Variants in CABIN1 observed in about 807,000 individuals in gnomAD.
CABIN1 encodes calcineurin-binding protein cabin-1.
A neutral mutation model predicts 227.7 loss-of-function variants in CABIN1; 133 were observed. That is an observed-to-expected ratio of 0.58 (90% CI 0.51 to 0.67). The LOEUF (loss-of-function observed/expected upper bound fraction) is 0.67. Ranked by LOEUF, CABIN1 falls within the 30% of genes least tolerant of loss-of-function variation. The pLI is 0.00. For missense variants in CABIN1, 2,408 were observed against 2,852.5 expected, an observed-to-expected ratio of 0.84 and a Z score of 3.55; for synonymous variants, 1,086 against 1,155.1, an observed-to-expected ratio of 0.94 and a Z score of 1.21.
At chr22:24,121,791 C>G (rs1237775042) in intron 28 of CABIN1, among the ~76,000 whole-genome samples, 2 of 152,248 alleles carry the variant, frequency 1.3e-5, no homozygotes. Context: ...CCTCCCCCAC[C>G]TCTGGTGTCC....
chr22:24,105,577 A>G (rs1160723359), intron 26 of CABIN1, among the ~76,000 whole-genome samples: 1 of 152,152 alleles, frequency 6.6e-6, no homozygotes, highest in Non-Finnish European at 1.5e-5. Flanking sequence ...CTGAGTCTCA[A>G]GGCTAGATAC....
intron 34 of CABIN1, among the ~76,000 whole-genome samples, chr22:24,174,178 A>G (rs749287260): frequency 1.3e-5 from 2 of 151,172 alleles, no homozygotes; most frequent in Non-Finnish European, 1.5e-5. Context: ...CCCAGGCTGG[A>G]GTGCAGCAGT....
chr22:24,045,891 A>C (rs1555913673), intron 6 of CABIN1, among the ~76,000 whole-genome samples: 1 of 152,212 alleles, frequency 6.6e-6, no homozygotes, highest in Non-Finnish European at 1.5e-5. Context: ...CCACTTTTTA[A>C]ATCTTTTTAA....
chr22:24,094,823 CA>C (rs201624847), intron 24 of CABIN1, among the ~76,000 whole-genome samples: 30,249 of 78,162 alleles, frequency 0.39, 3,858 homozygotes, highest in African/African-American at 0.54. Context: ...GACTCCGTCT[CA>C]AAAAAAAAAA....
intron 4 of CABIN1, among the ~76,000 whole-genome samples, chr22:24,039,645 T>G (rs1159659193): frequency 2.6e-5 from 4 of 152,216 alleles, no homozygotes; most frequent in African/African-American, 9.6e-5. Flanking sequence ...CATCCAACAG[T>G]TGCTAGGCAG....
At chr22:24,117,591 T>C (rs1361578611) in intron 27 of CABIN1, among the ~76,000 whole-genome samples, 3 of 152,046 alleles carry the variant, frequency 2.0e-5, no homozygotes, top group Non-Finnish European at 4.4e-5. Context: ...GAAAAGAGAA[T>C]AGCTGTCTCT....
intron 28 of CABIN1, among the ~76,000 whole-genome samples, chr22:24,131,092 A>G (rs914988078): frequency 3.9e-5 from 6 of 152,214 alleles, no homozygotes; most frequent in South Asian, 4.1e-4. Context: ...AGCAGAGTCT[A>G]TGTGACTCCA....
At chr22:24,097,087 C>G (rs2041938316) in intron 25 of CABIN1, among the ~76,000 whole-genome samples, 1 of 152,248 alleles carries the variant, frequency 6.6e-6, no homozygotes, top group Non-Finnish European at 1.5e-5. Flanking sequence ...AGGTGGGCAG[C>G]CGCTGTGCTC....
At chr22:24,012,252 A>T (rs1265409589) in intron 1 of CABIN1, among the ~76,000 whole-genome samples, 1 of 152,230 alleles carries the variant, frequency 6.6e-6, no homozygotes, top group African/African-American at 2.4e-5. Flanking sequence ...CTGCGTCGCA[A>T]TAAAATTTTA....
chr22:24,038,319 A>G (rs367716814), intron 3 of CABIN1, 29 bp from the exon 4 acceptor site: 5 of 1,567,264 alleles, frequency 3.2e-6, no homozygotes, highest in East Asian at 2.2e-5. Context: ...TTTATGCTGT[A>G]TGAAAACATC....
chr22:24,037,683 C>T (rs1203018206), intron 3 of CABIN1, among the ~76,000 whole-genome samples: 1 of 152,170 alleles, frequency 6.6e-6, no homozygotes, highest in African/African-American at 2.4e-5. Flanking sequence ...TACCAATTCT[C>T]CAACTCTCCA....
At position 24,167,267 on chromosome 22, in the gene CABIN1, G is replaced by A. The variant is rs1461459417; in HGVS notation, c.5636G>A (p.Gly1879Asp). Residue 1879 changes from glycine (G) to aspartate (D), a missense_variant, in exon 32 of 37, where the codon GGC (glycine) becomes GAC (aspartate). Around this residue, in one of 3 missense-constraint regions of CABIN1, gnomAD observed 714 missense variants for 773.8 expected, o/e 0.92. Coordinates refer to ENST00000263119, the MANE Select transcript of CABIN1 (RefSeq NM_012295.4). ...CAGAAGGGTGTGGCCTATGACCTGG[G>A]CCGTGTGGAGAGGATCATGTCGGAG... ...QGQKGVAYDL[G>D]RVERIMSETY... The A allele has an allele frequency of 1.2e-6, 2 of 1,613,472 alleles. No homozygotes were observed. The highest frequency in any genetic ancestry group is 1.7e-6 in the Non-Finnish European group (2 of 1,179,992).
chr22:24,098,485 G>A (rs891844398), intron 26 of CABIN1, among the ~76,000 whole-genome samples: 2 of 152,152 alleles, frequency 1.3e-5, no homozygotes, highest in Non-Finnish European at 1.5e-5. Context: ...CCTGCAAAAT[G>A]GGGACATGAC....
chr22:24,071,513 G>A (rs765771606), intron 17 of CABIN1, among the ~76,000 whole-genome samples: 8 of 151,968 alleles, frequency 5.3e-5, no homozygotes, highest in Admixed American at 2.0e-4. Flanking sequence ...CTCAATTCCC[G>A]CTCAGGCCAT....
intron 27 of CABIN1, among the ~76,000 whole-genome samples, chr22:24,114,987 C>T (rs973517149): frequency 2.0e-5 from 3 of 152,254 alleles, no homozygotes; most frequent in African/African-American, 7.2e-5. Context: ...TCTAACCAGG[C>T]AGTCACTATG....
chr22:24,152,051 G>A (rs942369110), intron 29 of CABIN1, among the ~76,000 whole-genome samples: 6 of 152,192 alleles, frequency 3.9e-5, no homozygotes, highest in Admixed American at 1.3e-4. Flanking sequence ...TAGGGCACTG[G>A]TAGCAACAAC....
rs1490725546 is a variant in CABIN1, at chr22:24,031,598, T to C, written c.-74-3846T>C. On this transcript the variant is annotated intron_variant, in intron 1 of 36. Coordinates refer to ENST00000263119, the MANE Select transcript of CABIN1 (RefSeq NM_012295.4). Reference sequence around the variant, plus strand: ...ATGGGTAGTTCCTGAGTGACTGCTCTGTAAGTGAAGGCAGCAGTTCAGACG... The same window carrying C: ...ATGGGTAGTTCCTGAGTGACTGCTCCGTAAGTGAAGGCAGCAGTTCAGACG... 2.0e-5 allele frequency among the ~76,000 whole-genome samples: 3 copies of C among 152,316 alleles called. No individual in the cohort carries two copies. The East Asian group carries it at 5.8e-4, about 29-fold the overall frequency.
At chr22:24,087,305 C>G in intron 22 of CABIN1, 147 bp from the exon 23 acceptor site, 1 of 968,588 alleles carries the variant, frequency 1.0e-6, no homozygotes, top group South Asian at 1.4e-5. Context: ...ATGGTCATGG[C>G]ATTAGTGAGT....
intron 4 of CABIN1, 86 bp downstream of exon 4, chr22:24,038,547 TC>T: frequency 1.1e-6 from 1 of 918,568 alleles, no homozygotes; most frequent in Admixed American, 1.7e-5. Context: ...ACCTCTGCTC[TC>T]CCATTTCTTG....
Sources: allele counts gnomAD v4.1 joint callset (sites outside exome capture counted in the v4.1 genomes callset), GRCh38; gene constraint gnomAD v4.1.1; regional missense constraint gnomAD v4.1.1; transcripts MANE v1.5; gene names NCBI Gene and HGNC (gene_info 2026-07-23, HGNC 2026-07-21).